Variants in LRRC20 observed in about 807,000 individuals in gnomAD.
The protein encoded by LRRC20 is leucine-rich repeat-containing protein 20.
LRRC20 carries 11 observed loss-of-function variants against 14.4 expected under a neutral mutation model. The observed-to-expected ratio is 0.77, with a 90% confidence interval of 0.48 to 1.27. The LOEUF is 1.27. LRRC20 is among the 50% of genes most tolerant of loss of function. LRRC20 has a pLI of 0.00. For synonymous variants in LRRC20, 121 were observed against 107.3 expected (o/e 1.13, Z -0.79); for missense variants, 219 against 251.2 (o/e 0.87, Z 0.87).
At chr10:70,323,376 G>C (rs950253722) in intron 4 of LRRC20, among the ~76,000 whole-genome samples, 16 of 152,196 alleles carry the variant, frequency 1.1e-4, no homozygotes, top group Non-Finnish European at 2.1e-4. Context: ...CTGGTGGTGA[G>C]GGCCCTGGCA....
At chr10:70,306,585 C>T (rs551033538) in intron 4 of LRRC20, among the ~76,000 whole-genome samples, 78 of 152,292 alleles carry the variant, frequency 5.1e-4, no homozygotes, top group African/African-American at 1.8e-3. Context: ...CAGAGGCACA[C>T]CAAATTCATT....
chr10:70,301,260 G>A lies in LRRC20; in HGVS notation c.*94C>T. ...GTGCTGCTCGGCCCACCCGCCCCCAGCCCCCAGGCTTGGCCTCCCATGGGC... is the reference window on the plus strand; with the variant it reads ...GTGCTGCTCGGCCCACCCGCCCCCAACCCCCAGGCTTGGCCTCCCATGGGC... On this transcript the variant is annotated 3_prime_UTR_variant, in exon 5 of 5. Transcript: ENST00000446961. The A allele has an allele frequency of 1.4e-6, 2 of 1,414,860 alleles. No homozygotes were observed. Among genetic ancestry groups the A allele is most frequent in the South Asian group, 1.3e-5 (1 of 74,154 alleles). The allele number at this position is 1,414,860 out of a possible 1,614,324, so 87.6% of individuals were successfully genotyped here.
At chr10:70,365,785 G>T (rs915008599) in intron 2 of LRRC20, among the ~76,000 whole-genome samples, 2 of 152,098 alleles carry the variant, frequency 1.3e-5, no homozygotes, top group African/African-American at 4.8e-5. Context: ...AAAACGAATG[G>T]ATAGGCCGGG....
At chr10:70,339,936 C>G (rs754655564) in intron 3 of LRRC20, among the ~76,000 whole-genome samples, 1 of 151,914 alleles carries the variant, frequency 6.6e-6, no homozygotes, top group Admixed American at 6.6e-5. Flanking sequence ...GCTTGGCCAA[C>G]ATGGTAAAAC....
intron 4 of LRRC20, among the ~76,000 whole-genome samples, chr10:70,317,616 C>T (rs910409990): frequency 1.3e-5 from 2 of 152,120 alleles, no homozygotes; most frequent in Non-Finnish European, 2.9e-5. Context: ...CAGCCTCAAG[C>T]GATCCTCCTG....
intron 2 of LRRC20, among the ~76,000 whole-genome samples, chr10:70,366,405 A>C (rs1287882414): frequency 1.3e-5 from 2 of 152,162 alleles, no homozygotes; most frequent in East Asian, 3.8e-4. Context: ...CCTGGGTGAC[A>C]AGAAGTGAAA....
chr10:70,341,546 T>C (rs1842913021), intron 2 of LRRC20, among the ~76,000 whole-genome samples: 1 of 152,148 alleles, frequency 6.6e-6, no homozygotes, highest in African/African-American at 2.4e-5. Context: ...GGTGGGTGGA[T>C]GGCTTGAAGC....
rs1266351907 is a variant in LRRC20, at chr10:70,300,474, A to G, written c.*880T>C. 2.3e-5 allele frequency: 23 copies of G among 985,504 alleles called. No homozygotes were observed. Among genetic ancestry groups the G allele is most frequent in the Non-Finnish European group, 2.8e-5 (23 of 829,980 alleles). 61.0% of individuals were successfully genotyped at this position (985,504 alleles called of 1,614,324 possible). A position where few individuals can be genotyped will look rare whatever the true frequency, so the allele number is the denominator to read the frequency against. ...CATCGCCTTCTGCCCCCAGGAGGCC[A>G]TGACAAGGCAGCCAGGCTGCTGCTG... On this transcript the variant is annotated 3_prime_UTR_variant, in exon 5 of 5. Transcript: ENST00000446961.
chr10:70,382,604 G>C lies in LRRC20; in HGVS notation c.-119C>G, dbSNP rs1296522494. ...CGCAGTCACGCTCCCTCCGCCGCCG[G>C]CGGCGCCCCAGGCGAGTTCCGAGCC... On this transcript the variant is annotated 5_prime_UTR_variant, in exon 1 of 5. Coordinates refer to ENST00000446961, the MANE Select transcript of LRRC20 (RefSeq NM_001278212.2). 6.6e-6 allele frequency: 1 copy of C among 151,382 alleles called. No homozygotes were observed. Among genetic ancestry groups the C allele is most frequent in the African/African-American group, 2.4e-5 (1 of 41,336 alleles). The allele number at this position is 151,382 out of a possible 1,614,324, so 9.4% of individuals were successfully genotyped here.
intron 2 of LRRC20, among the ~76,000 whole-genome samples, chr10:70,350,993 G>A (rs148566239): frequency 0.042 from 6,343 of 152,144 alleles, 458 homozygotes; most frequent in African/African-American, 0.15. Flanking sequence ...GACCAGCCTG[G>A]GCAACACAGT....
intron 1 of LRRC20, among the ~76,000 whole-genome samples, chr10:70,382,168 C>A: frequency 6.6e-6 from 1 of 152,220 alleles, no homozygotes; most frequent in East Asian, 1.9e-4. Context: ...CCGAAAGTGT[C>A]GCTTCGGGGA....
rs763204167 is a variant in LRRC20 at position 70,340,545 on chromosome 10, G to T, written c.232+8C>A. Reference sequence around the variant, plus strand: ...ATGCCCTCCTGGCTGGAGCTGACCAGGGCCTACCTCGGAGCTGACTGAATG... The same window carrying T: ...ATGCCCTCCTGGCTGGAGCTGACCATGGCCTACCTCGGAGCTGACTGAATG... On this transcript the variant is annotated splice_region_variant and intron_variant, in intron 3 of 4. Coordinates refer to ENST00000446961, the MANE Select transcript of LRRC20 (RefSeq NM_001278212.2). 3.1e-6 allele frequency: 5 copies of T among 1,613,904 alleles called. No homozygotes were observed. The highest frequency in any genetic ancestry group is 4.2e-6 in the Non-Finnish European group (5 of 1,179,982).
intron 4 of LRRC20, among the ~76,000 whole-genome samples, chr10:70,308,604 C>T (rs1554836150): frequency 2.7e-5 from 4 of 147,628 alleles, no homozygotes; most frequent in African/African-American, 4.9e-5. Context: ...ATAGGGCAGC[C>T]GGGGTTGGGG....
intron 2 of LRRC20, 135 bp from the exon 3 acceptor site, chr10:70,340,837 G>T: frequency 1.1e-6 from 1 of 872,990 alleles, no homozygotes; most frequent in Non-Finnish European, 1.8e-6. Flanking sequence ...CCAGGACCAG[G>T]CTTCAGACCC....
intron 2 of LRRC20, among the ~76,000 whole-genome samples, chr10:70,349,348 C>G (rs1843204569): frequency 6.6e-6 from 1 of 152,164 alleles, no homozygotes; most frequent in African/African-American, 2.4e-5. Flanking sequence ...GAGGCTGAGG[C>G]AGGTGGATCA....
At chr10:70,351,276 ATGAAATT>A (rs1336708095) in intron 2 of LRRC20, among the ~76,000 whole-genome samples, 1 of 152,152 alleles carries the variant, frequency 6.6e-6, no homozygotes, top group Non-Finnish European at 1.5e-5. Flanking sequence ...GGATGGTGCC[ATGAAATT>A]TGTTTTTAAC....
intron 2 of LRRC20, among the ~76,000 whole-genome samples, chr10:70,370,508 C>T (rs1477013197): frequency 6.6e-6 from 1 of 152,132 alleles, no homozygotes. Flanking sequence ...AATCCTAGCA[C>T]TTCGGGAGGC....
chr10:70,369,496 C>T (rs190082680), intron 2 of LRRC20, among the ~76,000 whole-genome samples: 45 of 147,116 alleles, frequency 3.1e-4, no homozygotes, highest in Admixed American at 8.5e-4. Context: ...TACAACAAAA[C>T]ACTTAAAAAC....
intron 3 of LRRC20, among the ~76,000 whole-genome samples, chr10:70,332,471 C>G (rs1245802422): frequency 6.6e-6 from 1 of 152,198 alleles, no homozygotes; most frequent in Non-Finnish European, 1.5e-5. Flanking sequence ...TGGCAAGACC[C>G]TGTCTCTACA....
Sources: gnomAD v4.1 joint callset for allele counts (sites outside exome capture counted in the v4.1 genomes callset) on GRCh38, gnomAD v4.1.1 for gene constraint, MANE v1.5 for transcripts, NCBI Gene and HGNC (gene_info 2026-07-23, HGNC 2026-07-21) for gene names.